ANKRD10: variants seen among roughly 807,000 people sequenced by gnomAD.
The protein encoded by ANKRD10 is ankyrin repeat domain-containing protein 10.
Under a neutral mutation model 27.0 loss-of-function variants are expected in ANKRD10, and 14 were observed. The ratio of observed to expected loss-of-function variants is 0.52; its 90% CI spans 0.34 to 0.81. The LOEUF is 0.81. ANKRD10 is among the 40% of genes least tolerant of loss of function. The probability of loss-of-function intolerance (pLI) is 0.01; values close to 1 mark genes in which losing one functional copy is unlikely to be tolerated. For missense variants in ANKRD10, 493 were observed against 544.0 expected (o/e 0.91, Z 0.93); for synonymous variants, 250 against 224.5 (o/e 1.11, Z -1.01).
At chr13:110,914,612 C>T (rs1445106687) in intron 1 of ANKRD10, 113 bp downstream of exon 1, 35 of 1,419,564 alleles carry the variant, frequency 2.5e-5, no homozygotes, top group Non-Finnish European at 3.3e-5. Flanking sequence ...CCGTCGATCC[C>T]GCTTCCGCCC....
chr13:110,880,286 C>T (rs1417728954), intron 5 of ANKRD10, among the ~76,000 whole-genome samples, 174 bp from the exon 6 acceptor site: 4 of 152,042 alleles, frequency 2.6e-5, no homozygotes, highest in African/African-American at 4.8e-5. Context: ...ACTATTAAAA[C>T]GTTAACAGTA....
rs1410493926 is a variant in ANKRD10 at position 110,910,713 on chromosome 13, G to A, written c.268C>T (p.Arg90Trp). Residue 90 changes from arginine to tryptophan, a missense_variant, in exon 2 of 6, where the codon CGG becomes TGG. Arg to Trp is a moderately radical substitution (Grantham distance 101). Coordinates refer to ENST00000267339, the MANE Select transcript of ANKRD10 (RefSeq NM_017664.4). Reference protein sequence around the residue: ...AGATLNVSTTRYAQTPAHIAA... With the variant: ...AGATLNVSTTWYAQTPAHIAA... ...ATGTGGGCTGGCGTCTGCGCGTACCGTGTGGTGGAGACGTTGAGTGTGGCT... is the reference window on the plus strand; with the variant it reads ...ATGTGGGCTGGCGTCTGCGCGTACCATGTGGTGGAGACGTTGAGTGTGGCT... The A allele has an allele frequency of 3.1e-6, 5 of 1,614,036 alleles. No homozygotes were observed. The highest frequency in any genetic ancestry group is 4.5e-5 in the East Asian group (2 of 44,890).
At chr13:110,897,936 G>A (rs912124393) in intron 3 of ANKRD10, among the ~76,000 whole-genome samples, 5 of 152,146 alleles carry the variant, frequency 3.3e-5, no homozygotes, top group East Asian at 1.9e-4. Context: ...TCTTTAGAAC[G>A]AATATTTCTC....
chr13:110,888,171 C>T (rs527563751), intron 4 of ANKRD10, among the ~76,000 whole-genome samples: 4 of 150,682 alleles, frequency 2.7e-5, no homozygotes, highest in Admixed American at 6.7e-5. Context: ...CTGGAAAGAC[C>T]GGGGGGGACT....
At chr13:110,900,014 C>T (rs2065341016) in intron 3 of ANKRD10, among the ~76,000 whole-genome samples, 1 of 152,132 alleles carries the variant, frequency 6.6e-6, no homozygotes, top group Non-Finnish European at 1.5e-5. Context: ...AAGTTTGAGA[C>T]CAGCCTAGGC....
chr13:110,888,130 C>T (rs1253227317), intron 4 of ANKRD10, among the ~76,000 whole-genome samples: 2 of 151,698 alleles, frequency 1.3e-5, no homozygotes, highest in Non-Finnish European at 2.9e-5. Flanking sequence ...GAAGCAGCAG[C>T]GACAAAGGAC....
chr13:110,911,266 A>G (rs2065696460), intron 1 of ANKRD10, among the ~76,000 whole-genome samples: 1 of 151,742 alleles, frequency 6.6e-6, no homozygotes, highest in Non-Finnish European at 1.5e-5. Context: ...CCTGGCCAAC[A>G]TGGTGAAACC....
At position 110,879,726 on chromosome 13, in the gene ANKRD10, T is replaced by C. The variant is rs918517893; in HGVS notation, c.1174A>G (p.Ser392Gly). ...DTAESIPELN[S>G]VVEHSKSVKV... ...ACGGACTTGGAATGCTCGACCACAC[T>C]GTTCAGTTCTGGGATGCTTTCAGCA... The change falls in exon 6 of 6, where the codon AGT becomes GGT. Residue 392 changes from serine (S) to glycine (G), a missense_variant. Transcript: ENST00000267339. 8.7e-6 allele frequency: 14 copies of C among 1,614,098 alleles called. No homozygotes were observed. Among genetic ancestry groups the C allele is most frequent in the South Asian group, 3.3e-5 (3 of 91,090 alleles).
At chr13:110,908,683 C>G (rs1331316798) in intron 2 of ANKRD10, among the ~76,000 whole-genome samples, 1 of 152,076 alleles carries the variant, frequency 6.6e-6, no homozygotes, top group Non-Finnish European at 1.5e-5. Flanking sequence ...GGGTGGGGAG[C>G]TAACAAAAGG....
At position 110,879,897 on chromosome 13, in the gene ANKRD10, C is replaced by T. The variant is rs1308206764; in HGVS notation, c.1003G>A (p.Glu335Lys). ...SLCISGTEEP[E>K]KTLRANPELC... ...TCAGGGTTAGCTCTCAGGGTCTTCT[C>T]TGGCTCCTCAGTCCCACTAATGCAG... The change falls in exon 6 of 6, where the codon GAG becomes AAG. Residue 335 changes from glutamate to lysine, a missense_variant. Physicochemically the swap from Glu to Lys is moderately conservative, Grantham distance 56. Transcript: ENST00000267339. The T allele has an allele frequency of 6.2e-7, 1 of 1,603,302 alleles. No individual in the cohort carries two copies. The highest frequency in any genetic ancestry group is 2.2e-5 in the East Asian group (1 of 44,878).
intron 1 of ANKRD10, chr13:110,914,390 G>C (rs900155485): frequency 1.1e-5 from 2 of 188,238 alleles, no homozygotes; most frequent in Non-Finnish European, 2.2e-5. Context: ...GCGCGCGCGC[G>C]CTCGCACAGG....
At chr13:110,912,501 G>C (rs2065746384) in intron 1 of ANKRD10, among the ~76,000 whole-genome samples, 1 of 152,252 alleles carries the variant, frequency 6.6e-6, no homozygotes, top group South Asian at 2.1e-4. Flanking sequence ...AAAATAAAAC[G>C]GATGAAAATC....
intron 4 of ANKRD10, 119 bp downstream of exon 4, chr13:110,892,909 C>A (rs539904994): frequency 6.8e-7 from 1 of 1,473,384 alleles, no homozygotes; most frequent in Admixed American, 2.5e-5. Flanking sequence ...CACAATCCAC[C>A]AGGCGCATTA....
intron 2 of ANKRD10, among the ~76,000 whole-genome samples, chr13:110,907,863 AAAAG>A (rs1167687836): frequency 1.3e-5 from 2 of 152,192 alleles, no homozygotes; most frequent in African/African-American, 4.8e-5. Context: ...GTTTTGCCAA[AAAAG>A]AAAAAGGCTA....
In ANKRD10 at chr13:110,884,191, T is replaced by TA. The variant is rs199875741; in HGVS notation, c.692-399dup. ...TACAATTAAAACAATCCTGATTTTTTAAAAAAATCCACTATTTCCATTAAC... is the reference window on the plus strand; with the variant it reads ...TACAATTAAAACAATCCTGATTTTTTAAAAAAAATCCACTATTTCCATTAAC... On this transcript the variant is annotated intron_variant, in intron 4 of 5. Coordinates refer to ENST00000267339, the MANE Select transcript of ANKRD10 (RefSeq NM_017664.4). Among the ~76,000 whole-genome samples the TA allele has an allele frequency of 6.1e-3, 915 of 149,302 alleles. 9 individuals carry two copies. Among genetic ancestry groups the TA allele is most frequent in the African/African-American group, 0.021 (863 of 40,962 alleles).
chr13:110,900,545 C>T (rs888924577), intron 3 of ANKRD10: 12 of 1,343,574 alleles, frequency 8.9e-6, no homozygotes, highest in Middle Eastern at 2.1e-4. Flanking sequence ...CAGTATGCCT[C>T]GTGTGCAGAA....
intron 3 of ANKRD10, chr13:110,894,403 C>CTAAAAAAAAAAAAAAA (rs2065165557): frequency 1.6e-5 from 1 of 62,682 alleles, no homozygotes; most frequent in Non-Finnish European, 2.8e-5. Context: ...ACTGTTAATG[C>CTAAAAAAAAAAAAAAA]AAAAAAAAAA....
intron 5 of ANKRD10, among the ~76,000 whole-genome samples, chr13:110,880,402 A>G (rs1594523305): frequency 6.6e-6 from 1 of 152,192 alleles, no homozygotes; most frequent in East Asian, 1.9e-4. Flanking sequence ...ATACCAACAC[A>G]GTCCTGAAAA....
At chr13:110,889,335 AG>A (rs2065016111) in intron 4 of ANKRD10, among the ~76,000 whole-genome samples, 1 of 151,420 alleles carries the variant, frequency 6.6e-6, no homozygotes, top group Non-Finnish European at 1.5e-5. Flanking sequence ...TCCCACACTG[AG>A]GAAAGTATTA....
Sources: gnomAD v4.1 joint callset for allele counts (sites outside exome capture counted in the v4.1 genomes callset) on GRCh38, gnomAD v4.1.1 for gene constraint, MANE v1.5 for transcripts, NCBI Gene and HGNC (gene_info 2026-07-23, HGNC 2026-07-21) for gene names.